Variants in SLC8A1 observed in about 807,000 individuals in gnomAD.
SLC8A1 encodes the protein sodium/calcium exchanger 1.
A neutral mutation model predicts 68.3 loss-of-function variants in SLC8A1; 18 were observed. That is an observed-to-expected ratio of 0.26 (90% CI 0.18 to 0.39). SLC8A1 has a LOEUF of 0.39. Among genes scored for constraint, SLC8A1 ranks in the 10% least tolerant of loss-of-function variants. SLC8A1 has a pLI of 1.00. For synonymous variants in SLC8A1, 475 were observed against 415.5 expected, an observed-to-expected ratio of 1.14 and a Z score of -1.74; for missense variants, 985 against 1,156.7, an observed-to-expected ratio of 0.85 and a Z score of 2.15.
chr2:40,327,150 T>C (rs953103848), intron 2 of SLC8A1, among the ~76,000 whole-genome samples: 3 of 152,216 alleles, frequency 2.0e-5, no homozygotes, highest in Non-Finnish European at 2.9e-5. Flanking sequence ...ATGTTATACA[T>C]TTGAAACCTA....
intron 2 of SLC8A1, among the ~76,000 whole-genome samples, chr2:40,367,720 C>T (rs140206040): frequency 9.3e-4 from 142 of 152,032 alleles, no homozygotes; most frequent in Middle Eastern, 6.8e-3. Flanking sequence ...CAAGCTGTGG[C>T]CTATCCAGTA....
intron 6 of SLC8A1, among the ~76,000 whole-genome samples, chr2:40,143,522 C>G (rs761519464): frequency 1.3e-5 from 2 of 152,160 alleles, no homozygotes; most frequent in Non-Finnish European, 2.9e-5. Context: ...TTCTTTTCAG[C>G]TAATGGAAAA....
chr2:40,272,398 T>A (rs999856381), intron 2 of SLC8A1, among the ~76,000 whole-genome samples: 3 of 152,166 alleles, frequency 2.0e-5, no homozygotes, highest in African/African-American at 7.2e-5. Context: ...CACTACTCTC[T>A]CCCTCCTACC....
intron 2 of SLC8A1, among the ~76,000 whole-genome samples, chr2:40,261,022 C>T (rs1243002017): frequency 6.6e-6 from 1 of 152,286 alleles, no homozygotes; most frequent in Non-Finnish European, 1.5e-5. Context: ...AGGACTCCTA[C>T]AGTTTTTCTT....
chr2:40,290,620 T>G (rs2069137273), intron 2 of SLC8A1, among the ~76,000 whole-genome samples: 1 of 152,174 alleles, frequency 6.6e-6, no homozygotes, highest in Non-Finnish European at 1.5e-5. Context: ...ATGGATATTT[T>G]AAAAACAGTG....
At chr2:40,283,708 C>T (rs997523351) in intron 2 of SLC8A1, among the ~76,000 whole-genome samples, 2 of 152,196 alleles carry the variant, frequency 1.3e-5, no homozygotes, top group Admixed American at 1.3e-4. Context: ...CTGCAGCTGT[C>T]CTTTCTGCCA....
At chr2:40,238,169 C>T (rs1217808183) in intron 2 of SLC8A1, among the ~76,000 whole-genome samples, 1 of 152,166 alleles carries the variant, frequency 6.6e-6, no homozygotes, top group Non-Finnish European at 1.5e-5. Context: ...TTTACCTAAT[C>T]AAGCCTGGGC....
exon 2 of SLC8A1, chr2:40,430,168 T>A: frequency 6.2e-7 from 1 of 1,613,828 alleles, no homozygotes; most frequent in Admixed American, 1.7e-5. Context: ...TCCTTCCATT[T>A]CTGTCTCAGC....
chr2:40,429,072 A>T, exon 2 of SLC8A1: 1 of 1,612,054 alleles, frequency 6.2e-7, no homozygotes, highest in Middle Eastern at 1.7e-4. Context: ...TAACAGGGTC[A>T]TTTTCAGTCA....
intron 2 of SLC8A1, among the ~76,000 whole-genome samples, chr2:40,238,568 C>T (rs994940968): frequency 1.2e-4 from 18 of 152,322 alleles, no homozygotes; most frequent in Non-Finnish European, 2.5e-4. Flanking sequence ...CCGTCTTCTG[C>T]GTCGCTCACG....
At chr2:40,135,006 G>A (rs1248475660) in intron 7 of SLC8A1, among the ~76,000 whole-genome samples, 1 of 152,212 alleles carries the variant, frequency 6.6e-6, no homozygotes, top group Non-Finnish European at 1.5e-5. Flanking sequence ...AAGATGAGAT[G>A]TAATTGAAGA....
intron 7 of SLC8A1, among the ~76,000 whole-genome samples, chr2:40,120,070 C>T (rs1318325836): frequency 6.6e-6 from 1 of 152,190 alleles, no homozygotes; most frequent in Non-Finnish European, 1.5e-5. Context: ...AACTTTATTG[C>T]TACTTATAGG....
chr2:40,122,075 G>C (rs952178434), intron 7 of SLC8A1, among the ~76,000 whole-genome samples: 1 of 152,002 alleles, frequency 6.6e-6, no homozygotes, highest in African/African-American at 2.4e-5. Flanking sequence ...AAGAGAAATA[G>C]TGTTTACTTA....
intron 4 of SLC8A1, among the ~76,000 whole-genome samples, chr2:40,165,687 T>C (rs2046429600): frequency 6.6e-6 from 1 of 152,156 alleles, no homozygotes; most frequent in Non-Finnish European, 1.5e-5. Flanking sequence ...GTTAAAATAC[T>C]CACTCACCAT....
intron 2 of SLC8A1, among the ~76,000 whole-genome samples, chr2:40,377,690 A>G (rs1680362719): frequency 6.6e-6 from 1 of 152,066 alleles, no homozygotes; most frequent in African/African-American, 2.4e-5. Context: ...CTTAGTCTCT[A>G]GATACGACAT....
intron 2 of SLC8A1, among the ~76,000 whole-genome samples, chr2:40,179,166 A>C (rs1053877918): frequency 6.6e-6 from 1 of 152,230 alleles, no homozygotes; most frequent in Non-Finnish European, 1.5e-5. Context: ...CTTTCTAAAG[A>C]TGGAAGCTGT....
At chr2:40,493,061 C>T (rs528301037) in intron 1 of SLC8A1, among the ~76,000 whole-genome samples, 19 of 152,188 alleles carry the variant, frequency 1.2e-4, no homozygotes, top group African/African-American at 4.3e-4. Context: ...TTTATTGTGG[C>T]ACTATTCACA....
chr2:40,146,233 G>T (rs72791101), intron 6 of SLC8A1, among the ~76,000 whole-genome samples: 2,526 of 152,200 alleles, frequency 0.017, 30 homozygotes, highest in Middle Eastern at 0.051. Flanking sequence ...TGAGCTTAAA[G>T]CTTTAGGAGG....
At chr2:40,174,145 A>G (rs1453429682) in intron 4 of SLC8A1, among the ~76,000 whole-genome samples, 1 of 152,052 alleles carries the variant, frequency 6.6e-6, no homozygotes, top group East Asian at 1.9e-4. Flanking sequence ...CCCCAGAGAA[A>G]CCCTCAGATT....
Sources: allele counts gnomAD v4.1 joint callset (sites outside exome capture counted in the v4.1 genomes callset), GRCh38; gene constraint gnomAD v4.1.1; transcripts MANE v1.5; gene names NCBI Gene and HGNC (gene_info 2026-07-23, HGNC 2026-07-21).